Variants in SCN2A observed in about 807,000 individuals in gnomAD.
The protein encoded by SCN2A is sodium voltage-gated channel alpha subunit 2, also known as sodium channel protein type 2 subunit alpha.
SCN2A carries 20 observed loss-of-function variants against 188.7 expected under a neutral mutation model. The ratio of observed to expected loss-of-function variants is 0.11; its 90% CI spans 0.07 to 0.15. SCN2A has a LOEUF of 0.15. SCN2A is among the 10% of genes least tolerant of loss of function. The pLI, the probability that SCN2A is intolerant of heterozygous loss-of-function variation, is 1.00. For missense variants in SCN2A, 1,278 were observed against 2,445.0 expected (o/e 0.52, Z 10.07); for synonymous variants, 804 against 833.1 (o/e 0.97, Z 0.60).
intron 3 of SCN2A, among the ~76,000 whole-genome samples, chr2:165,303,293 T>TTTTTTTTGG (rs1696930781): frequency 1.1e-5 from 1 of 92,934 alleles, no homozygotes; most frequent in East Asian, 2.9e-4. Context: ...TTTTTTTTTT[T>TTTTTTTTGG]GAGACGGGTT....
chr2:165,316,954 A>G (rs142422351), intron 11 of SCN2A, among the ~76,000 whole-genome samples: 1 of 152,296 alleles, frequency 6.6e-6, no homozygotes, highest in African/African-American at 2.4e-5. Flanking sequence ...TGAAAACCTT[A>G]AAGTTTCCAC....
intron 1 of SCN2A, among the ~76,000 whole-genome samples, chr2:165,247,373 T>C (rs1693893240): frequency 6.6e-6 from 1 of 152,182 alleles, no homozygotes; most frequent in Admixed American, 6.5e-5. Flanking sequence ...TATTCTCTTT[T>C]AAATTTACGT....
At chr2:165,251,396 G>A (rs1397126510) in intron 1 of SCN2A, among the ~76,000 whole-genome samples, 1 of 152,078 alleles carries the variant, frequency 6.6e-6, no homozygotes, top group Non-Finnish European at 1.5e-5. Flanking sequence ...GTCAAAGGGT[G>A]TATTTTTACA....
chr2:165,303,711 A>T (rs1696968537), intron 3 of SCN2A, among the ~76,000 whole-genome samples: 1 of 152,188 alleles, frequency 6.6e-6, no homozygotes, highest in Non-Finnish European at 1.5e-5. Context: ...TTCTATTTAG[A>T]GATACCTATC....
At chr2:165,376,699 GGT>G (rs59867116) in intron 22 of SCN2A, among the ~76,000 whole-genome samples, 5,925 of 150,416 alleles carry the variant, frequency 0.039, 373 homozygotes, top group African/African-American at 0.13. Flanking sequence ...GTTGAAAAGG[GGT>G]GTGTGTGTGT....
chr2:165,293,782 C>T lies in SCN2A; in HGVS notation c.-51-1991C>T, dbSNP rs1166848244. ...TAAAATCAACAAAGTTTTAATGTTTCGTTCCAAGAAAAGCCTGTGGAAGAT... is the reference window on the plus strand; with the variant it reads ...TAAAATCAACAAAGTTTTAATGTTTTGTTCCAAGAAAAGCCTGTGGAAGAT... On this transcript the variant is annotated intron_variant, in intron 1 of 26. Coordinates refer to ENST00000375437, the MANE Select transcript of SCN2A (RefSeq NM_001040142.2). 5 of 942,410 alleles carry T rather than the reference C, an allele frequency of 5.3e-6. No individual in the cohort carries two copies. In the African/African-American group the frequency reaches 5.3e-5, roughly 10 times the overall value. 58.4% of individuals were successfully genotyped at this position (942,410 alleles called of 1,614,324 possible).
rs2105336790 is a variant in SCN2A, at chr2:165,354,200, C to T, written c.2928C>T (p.Asn976=). ...VMVIGNLVVL[N]LFLALLLSSF... ...TTCCTGCTGTGTTTCAGGTTCTGAA[C>T]CTCTTCTTGGCCTTGCTTTTGAGTT... Residue 976 remains asparagine (N), a synonymous_variant, in exon 17 of 27, where the codon AAC becomes AAT. Transcript: ENST00000375437. 1.2e-6 allele frequency: 2 copies of T among 1,613,768 alleles called. No homozygotes were observed. Among genetic ancestry groups the T allele is most frequent in the Non-Finnish European group, 1.7e-6 (2 of 1,179,992 alleles).
intron 1 of SCN2A, among the ~76,000 whole-genome samples, chr2:165,287,543 G>C (rs1296286775): frequency 6.6e-6 from 1 of 151,406 alleles, no homozygotes; most frequent in African/African-American, 2.4e-5. Context: ...TTAGGGGACT[G>C]TCTTTACCTG....
intron 1 of SCN2A, among the ~76,000 whole-genome samples, chr2:165,284,023 TC>T (rs1185625874): frequency 6.6e-6 from 1 of 151,910 alleles, no homozygotes; most frequent in African/African-American, 2.4e-5. Flanking sequence ...TCTCCTATGC[TC>T]TCCTTCACTC....
chr2:165,353,480 G>A (rs1700032090), intron 16 of SCN2A, among the ~76,000 whole-genome samples: 1 of 152,068 alleles, frequency 6.6e-6, no homozygotes, highest in Admixed American at 6.5e-5. Context: ...TCTGTATTAG[G>A]CCATTCTTGC....
In SCN2A at chr2:165,391,831, T is replaced by C. The variant is rs1702134385; in HGVS notation, c.*2007T>C. 6.6e-6 allele frequency: 1 copy of C among 152,506 alleles called. No individual in the cohort carries two copies. Among genetic ancestry groups the C allele is most frequent in the Non-Finnish European group, 1.5e-5 (1 of 67,976 alleles). The allele number at this position is 152,506 out of a possible 1,614,324, so 9.4% of individuals were successfully genotyped here. A position where few individuals can be genotyped will look rare whatever the true frequency, so the allele number is the denominator to read the frequency against. On this transcript the variant is annotated 3_prime_UTR_variant, in exon 27 of 27. Coordinates refer to ENST00000375437, the MANE Select transcript of SCN2A (RefSeq NM_001040142.2). ...GATATAATATGGGATCCCAGCTTTT[T>C]TTCCTCTCCCACAAAACCAGGTAGT...
intron 15 of SCN2A, 113 bp downstream of exon 15, chr2:165,342,582 C>A: frequency 1.7e-6 from 2 of 1,172,658 alleles, no homozygotes; most frequent in Non-Finnish European, 2.5e-6. Flanking sequence ...GAATACACTT[C>A]TAAAACAAAT....
chr2:165,260,680 G>A (rs1226024359), intron 1 of SCN2A, among the ~76,000 whole-genome samples: 1 of 151,836 alleles, frequency 6.6e-6, no homozygotes, highest in African/African-American at 2.4e-5. Flanking sequence ...ATAAAATGGT[G>A]TGGTGGCCAG....
chr2:165,278,610 T>A (rs1322555649), intron 1 of SCN2A, among the ~76,000 whole-genome samples: 1 of 152,022 alleles, frequency 6.6e-6, no homozygotes, highest in Non-Finnish European at 1.5e-5. Flanking sequence ...CAAAGCCTAA[T>A]CCTATCGTGG....
At chr2:165,325,628 T>G (rs183475955) in intron 12 of SCN2A, among the ~76,000 whole-genome samples, 208 of 150,242 alleles carry the variant, frequency 1.4e-3, no homozygotes, top group African/African-American at 4.9e-3. Context: ...CATGTGACTA[T>G]TTTTTTTTTC....
chr2:165,327,084 T>G, intron 13 of SCN2A, 100 bp downstream of exon 13: 8 of 1,383,918 alleles, frequency 5.8e-6, no homozygotes, highest in Non-Finnish European at 8.2e-6. Flanking sequence ...TGATATTGTA[T>G]CATTATTACA....
intron 14 of SCN2A, among the ~76,000 whole-genome samples, chr2:165,337,615 A>T (rs1230264909): frequency 6.6e-6 from 1 of 152,164 alleles, no homozygotes; most frequent in Non-Finnish European, 1.5e-5. Context: ...CATGAGACTA[A>T]TGTCTTACCA....
At chr2:165,303,149 G>A (rs1696912250) in intron 3 of SCN2A, among the ~76,000 whole-genome samples, 1 of 151,808 alleles carries the variant, frequency 6.6e-6, no homozygotes, top group African/African-American at 2.4e-5. Context: ...TTTGCTACTA[G>A]TTTGAGCCTT....
chr2:165,348,358 C>CA (rs559810900), intron 16 of SCN2A, among the ~76,000 whole-genome samples: 25,766 of 80,162 alleles, frequency 0.32, 3,324 homozygotes, highest in East Asian at 0.5. Flanking sequence ...GACTCTGTTG[C>CA]AAAAAAAAAA....
Sources: gnomAD v4.1 joint callset for allele counts (sites outside exome capture counted in the v4.1 genomes callset) on GRCh38, gnomAD v4.1.1 for gene constraint, MANE v1.5 for transcripts, NCBI Gene and HGNC (gene_info 2026-07-23, HGNC 2026-07-21) for gene names.